FSTL5: variants seen among roughly 807,000 people sequenced by gnomAD.
FSTL5 encodes the protein follistatin-related protein 5.
Under a neutral mutation model 89.1 loss-of-function variants are expected in FSTL5, and 62 were observed. The observed-to-expected ratio is 0.70, with a 90% CI of 0.57 to 0.86. FSTL5 has a LOEUF of 0.86. FSTL5 is among the 40% of genes least tolerant of loss of function. FSTL5 has a pLI of 0.00. For missense variants in FSTL5, 1,057 were observed against 1,001.6 expected, an observed-to-expected ratio of 1.06 and a Z score of -0.75; for synonymous variants, 383 against 346.2, an observed-to-expected ratio of 1.11 and a Z score of -1.18.
At chr4:161,780,973 T>G (rs937382767) in intron 4 of FSTL5, among the ~76,000 whole-genome samples, 2 of 152,188 alleles carry the variant, frequency 1.3e-5, no homozygotes, top group Non-Finnish European at 2.9e-5. Context: ...GTTTTATCTT[T>G]TTGACATTTA....
intron 2 of FSTL5, among the ~76,000 whole-genome samples, chr4:162,080,756 T>G (rs1268754185): frequency 1.3e-5 from 2 of 151,626 alleles, no homozygotes; most frequent in Non-Finnish European, 3.0e-5. Flanking sequence ...TTTGCTCATG[T>G]GTTCTTTTTC....
At chr4:161,640,418 G>A (rs1420973897) in intron 7 of FSTL5, among the ~76,000 whole-genome samples, 2 of 152,092 alleles carry the variant, frequency 1.3e-5, no homozygotes, top group Non-Finnish European at 2.9e-5. Context: ...AAGATGTGAA[G>A]AACGTGAAGA....
chr4:161,956,275 TAAAG>T (rs66583690), intron 3 of FSTL5, among the ~76,000 whole-genome samples: 49,907 of 151,218 alleles, frequency 0.33, 9,928 homozygotes, highest in Non-Finnish European at 0.43. Flanking sequence ...AAAATGTAAG[TAAAG>T]AGATTGCCCA....
chr4:161,504,457 T>C (rs1229868574), intron 11 of FSTL5, among the ~76,000 whole-genome samples: 1 of 150,244 alleles, frequency 6.7e-6, no homozygotes, highest in African/African-American at 2.5e-5. Context: ...CGGGAACATG[T>C]GCAGATTGTT....
intron 3 of FSTL5, among the ~76,000 whole-genome samples, chr4:162,011,483 G>A (rs780379482): frequency 2.4e-4 from 36 of 151,894 alleles, no homozygotes; most frequent in Non-Finnish European, 4.7e-4. Flanking sequence ...AGGAACCTGT[G>A]CTTGTTATTT....
chr4:162,116,049 T>C (rs1431387554), intron 1 of FSTL5, among the ~76,000 whole-genome samples: 1 of 152,160 alleles, frequency 6.6e-6, no homozygotes, highest in African/African-American at 2.4e-5. Context: ...TCCAACATTA[T>C]CAATTGTTGC....
chr4:161,463,518 T>A (rs895964429), intron 13 of FSTL5, among the ~76,000 whole-genome samples: 1 of 152,172 alleles, frequency 6.6e-6, no homozygotes, highest in African/African-American at 2.4e-5. Context: ...AATACTTCCA[T>A]GACCCAATTT....
At chr4:161,851,990 A>C (rs1731568745) in intron 4 of FSTL5, among the ~76,000 whole-genome samples, 1 of 151,940 alleles carries the variant, frequency 6.6e-6, no homozygotes, top group African/African-American at 2.4e-5. Context: ...TCTTCATGAC[A>C]GTTTGGTTGC....
intron 4 of FSTL5, among the ~76,000 whole-genome samples, chr4:161,865,531 T>A (rs543548903): frequency 2.6e-5 from 4 of 152,260 alleles, no homozygotes; most frequent in African/African-American, 9.6e-5. Flanking sequence ...TTTTGAAAGC[T>A]CCTACTTATA....
intron 10 of FSTL5, among the ~76,000 whole-genome samples, chr4:161,525,228 G>T (rs986104099): frequency 2.0e-5 from 3 of 152,192 alleles, no homozygotes; most frequent in African/African-American, 7.2e-5. Flanking sequence ...TCTAAAAATA[G>T]AGAATTGATG....
At chr4:161,513,272 G>GGAGAGAGAGA (rs6148753) in intron 10 of FSTL5, among the ~76,000 whole-genome samples, 1,199 of 109,928 alleles carry the variant, frequency 0.011, 111 homozygotes, top group Middle Eastern at 0.032. Context: ...ACAAGGAGGG[G>GGAGAGAGAGA]GAGAGAGAGA....
chr4:161,903,213 T>A (rs561979326), intron 4 of FSTL5, among the ~76,000 whole-genome samples: 6 of 152,228 alleles, frequency 3.9e-5, no homozygotes, highest in African/African-American at 1.4e-4. Context: ...AGTCTCCTTA[T>A]GTTATGTGCC....
At chr4:161,574,465 T>G (rs1733141986) in intron 8 of FSTL5, among the ~76,000 whole-genome samples, 1 of 152,038 alleles carries the variant, frequency 6.6e-6, no homozygotes, top group Non-Finnish European at 1.5e-5. Context: ...AATCTAGGTT[T>G]TAAGCCCCAT....
intron 10 of FSTL5, among the ~76,000 whole-genome samples, chr4:161,522,686 C>A (rs909950173): frequency 6.6e-6 from 1 of 151,402 alleles, no homozygotes; most frequent in Non-Finnish European, 1.5e-5. Context: ...CTTGGAGAAT[C>A]TTTTTCAAAC....
intron 3 of FSTL5, among the ~76,000 whole-genome samples, chr4:161,946,850 C>T (rs1490087681): frequency 6.6e-6 from 1 of 152,138 alleles, no homozygotes; most frequent in Non-Finnish European, 1.5e-5. Context: ...TATTATATTA[C>T]ACTCCCACAT....
intron 2 of FSTL5, among the ~76,000 whole-genome samples, chr4:162,101,917 C>A (rs1424556951): frequency 6.6e-6 from 1 of 152,166 alleles, no homozygotes; most frequent in Non-Finnish European, 1.5e-5. Flanking sequence ...GGATCAATAT[C>A]AATGATTAGA....
chr4:161,507,330 T>C (rs1730516408), intron 11 of FSTL5, among the ~76,000 whole-genome samples: 1 of 151,766 alleles, frequency 6.6e-6, no homozygotes, highest in Admixed American at 6.6e-5. Context: ...ATACGTATCA[T>C]AAATATACTG....
intron 4 of FSTL5, among the ~76,000 whole-genome samples, chr4:161,809,314 G>A (rs552366840): frequency 1.3e-5 from 2 of 152,276 alleles, no homozygotes; most frequent in South Asian, 4.1e-4. Context: ...TTTTCAAGGG[G>A]AGTGAAATAA....
intron 6 of FSTL5, among the ~76,000 whole-genome samples, chr4:161,712,283 TA>T (rs970959229): frequency 1.3e-5 from 2 of 152,018 alleles, no homozygotes; most frequent in African/African-American, 2.4e-5. Context: ...TAAATATTAA[TA>T]AAAGTGTTTA....
Sources: gnomAD v4.1 joint callset for allele counts (sites outside exome capture counted in the v4.1 genomes callset) on GRCh38, gnomAD v4.1.1 for gene constraint, MANE v1.5 for transcripts, NCBI Gene and HGNC (gene_info 2026-07-23, HGNC 2026-07-21) for gene names.